TBCD: variants seen among roughly 807,000 people sequenced by gnomAD.
TBCD encodes the protein tubulin-specific chaperone D.
TBCD carries 105 observed loss-of-function variants against 169.3 expected under a neutral mutation model. The observed-to-expected ratio is 0.62, with a 90% CI of 0.53 to 0.73. TBCD has a LOEUF of 0.73. Ranked by LOEUF, TBCD falls within the 30% of genes least tolerant of loss-of-function variation. The pLI, the probability that TBCD is intolerant of heterozygous loss-of-function variation, is 0.00. For synonymous variants in TBCD, 700 were observed against 643.9 expected (o/e 1.09, Z -1.32); for missense variants, 1,444 against 1,600.1 (o/e 0.90, Z 1.66).
intron 13 of TBCD, among the ~76,000 whole-genome samples, chr17:82,818,844 AT>A (rs1228512508): frequency 6.6e-6 from 1 of 152,160 alleles, no homozygotes; most frequent in Non-Finnish European, 1.5e-5. Context: ...AGGCGGGGGG[AT>A]CACCTGAGGC....
chr17:82,909,134 G>GGGCCTCCGTCCTC, intron 21 of TBCD, 151 bp from the exon 22 acceptor site: 1 of 543,210 alleles, frequency 1.8e-6, no homozygotes, highest in East Asian at 3.0e-5. Context: ...GTCAGTAGGT[G>GGGCCTCCGTCCTC]GGCCTCCGTC....
intron 15 of TBCD, among the ~76,000 whole-genome samples, chr17:82,885,818 C>T (rs1336243029): frequency 4.6e-5 from 7 of 152,060 alleles, no homozygotes; most frequent in Non-Finnish European, 7.4e-5. Flanking sequence ...TAAATACCAC[C>T]GAGTGCACCT....
Position 82,903,473 on chromosome 17 carries a change from C to A in TBCD, c.1799C>A (p.Thr600Lys). The A allele has an allele frequency of 6.3e-7, 1 of 1,594,166 alleles. No homozygotes were observed. The highest frequency in any genetic ancestry group is 1.1e-5 in the South Asian group (1 of 87,464). ...LAQQAPEFSATQVFPRLLSMT... is the reference protein window; with the variant it reads ...LAQQAPEFSAKQVFPRLLSMT... ...CAGCAGGCACCCGAGTTCAGCGCCACGCAAGGTGGGTGTGTGTCCCGGCCG... is the reference window on the plus strand; with the variant it reads ...CAGCAGGCACCCGAGTTCAGCGCCAAGCAAGGTGGGTGTGTGTCCCGGCCG... Residue 600 changes from threonine (T) to lysine (K), a missense_variant, in exon 19 of 39, where the codon ACG (threonine) becomes AAG (lysine). Thr to Lys is a moderately conservative substitution (Grantham distance 78, BLOSUM62 -1). Coordinates refer to ENST00000355528, the MANE Select transcript of TBCD (RefSeq NM_005993.5). The surrounding 1 kb of genome is among the most constrained non-coding windows in gnomAD (Gnocchi z 4.8).
chr17:82,932,708 G>C lies in TBCD; in HGVS notation c.3164G>C (p.Cys1055Ser), dbSNP rs1473131223. The change falls in exon 34 of 39, where the codon TGC (cysteine) becomes TCC (serine). Residue 1055 changes from cysteine (C) to serine (S), a missense_variant. Cys to Ser is a moderately radical substitution (Grantham distance 112). Coordinates refer to ENST00000355528, the MANE Select transcript of TBCD (RefSeq NM_005993.5). Reference protein sequence around the residue: ...KTLDHVLTHGCFDIFTTEEDH... With the variant: ...KTLDHVLTHGSFDIFTTEEDH... ...CTGGACCACGTGCTCACCCACGGCTGCTTCGACATCTTCACCACGGAGGAG... is the reference window on the plus strand; with the variant it reads ...CTGGACCACGTGCTCACCCACGGCTCCTTCGACATCTTCACCACGGAGGAG... 5.6e-6 allele frequency: 9 copies of C among 1,613,766 alleles called. No individual in the cohort carries two copies. In the Admixed American group the frequency reaches 1.5e-4, roughly 27 times the overall value.
chr17:82,858,738 G>T (rs1035820844), intron 13 of TBCD: 28 of 848,294 alleles, frequency 3.3e-5, no homozygotes, highest in Non-Finnish European at 3.5e-5. Context: ...AAAATCGACT[G>T]AGTGTGTGAA....
chr17:82,927,811 G>A, intron 29 of TBCD, 94 bp from the exon 30 acceptor site: 5 of 1,100,882 alleles, frequency 4.5e-6, no homozygotes, highest in Non-Finnish European at 6.8e-6. Context: ...AGTCACGGGT[G>A]TCGAATTCAC....
At chr17:82,896,881 C>A (rs541898757) in intron 17 of TBCD, among the ~76,000 whole-genome samples, 1 of 151,540 alleles carries the variant, frequency 6.6e-6, no homozygotes, top group African/African-American at 2.4e-5. Context: ...GGGTGTTGGT[C>A]TTTCAAGCTC....
At chr17:82,904,750 G>T (rs558735437) in intron 19 of TBCD, among the ~76,000 whole-genome samples, 1 of 152,070 alleles carries the variant, frequency 6.6e-6, no homozygotes, top group East Asian at 1.9e-4. Flanking sequence ...GTGGGGGCTC[G>T]TTCATTCCTA....
rs540454471 is a variant in TBCD, at chr17:82,936,967, T to C, written c.3192-304T>C. Reference sequence around the variant, plus strand: ...CACGGGCATCCTGGCCGCCGCTGTGTTGGGGACAGACCCTGGGGCCTGGAA... The same window carrying C: ...CACGGGCATCCTGGCCGCCGCTGTGCTGGGGACAGACCCTGGGGCCTGGAA... On this transcript the variant is annotated intron_variant, in intron 34 of 38. Coordinates refer to ENST00000355528, the MANE Select transcript of TBCD (RefSeq NM_005993.5). 1.6e-4 allele frequency among the ~76,000 whole-genome samples: 25 copies of C among 152,150 alleles called. 1 individual carries two copies. The highest frequency in any genetic ancestry group is 5.9e-4 in the Admixed American group (9 of 15,288).
chr17:82,797,139 A>G (rs760425824), intron 7 of TBCD, among the ~76,000 whole-genome samples: 14 of 152,246 alleles, frequency 9.2e-5, no homozygotes, highest in Non-Finnish European at 1.5e-4. Flanking sequence ...AGCAGAAGGT[A>G]AAACCTCAGG....
At chr17:82,777,435 G>A (rs1459025444) in intron 6 of TBCD, among the ~76,000 whole-genome samples, 1 of 152,220 alleles carries the variant, frequency 6.6e-6, no homozygotes, top group African/African-American at 2.4e-5. Context: ...GAGACCGGTA[G>A]CGGCCCCGAA....
intron 13 of TBCD, among the ~76,000 whole-genome samples, chr17:82,851,619 T>G: frequency 6.6e-6 from 1 of 151,664 alleles, no homozygotes; most frequent in African/African-American, 2.4e-5. Flanking sequence ...ACAGGGCGGG[T>G]GGGAAGAGGG....
In TBCD at chr17:82,930,195, C is replaced by G; in HGVS notation, c.2992-327C>G. On this transcript the variant is annotated intron_variant, in intron 32 of 38. Coordinates refer to ENST00000355528, the MANE Select transcript of TBCD (RefSeq NM_005993.5). This position sits in a 1 kb window ranked among gnomAD's most constrained non-coding sequence, Gnocchi z 5.2. Reference sequence around the variant, plus strand: ...CGAGACATTCTGCACTCGGGAATTGCGGGGATTATCAAATCCCGCTTCAGT... The same window carrying G: ...CGAGACATTCTGCACTCGGGAATTGGGGGGATTATCAAATCCCGCTTCAGT... 1 of 356,860 alleles carries G rather than the reference C, an allele frequency of 2.8e-6. No individual in the cohort carries two copies. The highest frequency in any genetic ancestry group is 5.9e-5 in the East Asian group (1 of 16,878). The allele number at this position is 356,860 out of a possible 1,614,324, so 22.1% of individuals were successfully genotyped here.
intron 7 of TBCD, among the ~76,000 whole-genome samples, chr17:82,792,357 G>GCGCGCACA (rs1555684059): frequency 3.4e-5 from 5 of 145,666 alleles, no homozygotes; most frequent in African/African-American, 1.2e-4. Context: ...ATACATGTGT[G>GCGCGCACA]CACACACACA....
At chr17:82,888,031 C>G (rs1373500729) in intron 15 of TBCD, among the ~76,000 whole-genome samples, 1 of 152,194 alleles carries the variant, frequency 6.6e-6, no homozygotes, top group Admixed American at 6.5e-5. Context: ...CAGTCTGTAG[C>G]TCATCTTTCC....
At chr17:82,898,559 ATTT>A (rs910096197) in intron 17 of TBCD, among the ~76,000 whole-genome samples, 1 of 147,888 alleles carries the variant, frequency 6.8e-6, no homozygotes, top group African/African-American at 2.5e-5. Context: ...CTGCTACACT[ATTT>A]TTTTTTTATT....
intron 13 of TBCD, among the ~76,000 whole-genome samples, chr17:82,836,911 C>T (rs867901571): frequency 3.3e-5 from 5 of 152,044 alleles, no homozygotes; most frequent in East Asian, 3.8e-4. Context: ...TTCACGTAAG[C>T]GGGTGTGGCA....
rs988611078 is a variant in TBCD at position 82,922,758 on chromosome 17, C to T, written c.2179-894C>T. Among the ~76,000 whole-genome samples, 13 of 152,354 alleles carry T rather than the reference C, an allele frequency of 8.5e-5. No homozygotes were observed. Among genetic ancestry groups the T allele is most frequent in the Non-Finnish European group, 1.3e-4 (9 of 68,026 alleles). The stretch of plus-strand genomic sequence containing the variant: ...CTCTGCTCATGGCCCCCACCTGCCC[C>T]GCCCCCAGTGCCTCTCCAAGGCTGC... On this transcript the variant is annotated intron_variant, in intron 25 of 38. Coordinates refer to ENST00000355528, the MANE Select transcript of TBCD (RefSeq NM_005993.5). The surrounding 1 kb of genome is among the most constrained non-coding windows in gnomAD (Gnocchi z 4.1).
In TBCD at chr17:82,903,078, C is replaced by T. The variant is rs1416234675; in HGVS notation, c.1731-327C>T. Among the ~76,000 whole-genome samples, 1 of 152,170 alleles carries T rather than the reference C, an allele frequency of 6.6e-6. No homozygotes were observed. Among genetic ancestry groups the T allele is most frequent in the Non-Finnish European group, 1.5e-5 (1 of 68,028 alleles). On this transcript the variant is annotated intron_variant, in intron 18 of 38. Coordinates refer to ENST00000355528, the MANE Select transcript of TBCD (RefSeq NM_005993.5). This position sits in a 1 kb window ranked among gnomAD's most constrained non-coding sequence, Gnocchi z 4.8. The stretch of plus-strand genomic sequence containing the variant: ...CCTTGTAATCGTGGAGGGGTGGTTT[C>T]ACGTGGCTCTATCTCACACTCACAA...
Sources: allele counts gnomAD v4.1 joint callset (sites outside exome capture counted in the v4.1 genomes callset), GRCh38; gene constraint gnomAD v4.1.1; non-coding constraint Gnocchi (gnomAD v3.1); transcripts MANE v1.5; gene names NCBI Gene and HGNC (gene_info 2026-07-23, HGNC 2026-07-21).